TPTE: variants seen among roughly 807,000 people sequenced by gnomAD.
TPTE encodes the protein transmembrane phosphatase with tensin homology, also known as putative tyrosine-protein phosphatase TPTE.
TPTE carries 59 observed loss-of-function variants against 84.1 expected under a neutral mutation model. That is an observed-to-expected ratio of 0.70 (90% CI 0.57 to 0.87). The LOEUF (loss-of-function observed/expected upper bound fraction) is 0.87, where lower values mean the gene tolerates loss of function less well. Among genes scored for constraint, TPTE ranks in the 40% least tolerant of loss-of-function variants. The probability of loss-of-function intolerance (pLI) is 0.00; values close to 1 mark genes in which losing one functional copy is unlikely to be tolerated. For synonymous variants in TPTE, 130 were observed against 223.5 expected, an observed-to-expected ratio of 0.58 and a Z score of 3.73; for missense variants, 382 against 659.6, an observed-to-expected ratio of 0.58 and a Z score of 4.61.
In TPTE at chr21:10,541,175, A is replaced by C. The variant is rs543383061; in HGVS notation, c.65+10A>C. 2.5e-6 allele frequency: 4 copies of C among 1,612,634 alleles called. No homozygotes were observed. The East Asian group carries it at 8.9e-5, about 36-fold the overall frequency. On this transcript the variant is annotated intron_variant, in intron 5 of 23. Coordinates refer to ENST00000618007, the MANE Select transcript of TPTE (RefSeq NM_199261.4). Reference sequence around the variant, plus strand: ...TCGGCCCCAATGACAGGTGAGTTATAAAAGATGTACACATGACCAGGTGCA... The same window carrying C: ...TCGGCCCCAATGACAGGTGAGTTATCAAAGATGTACACATGACCAGGTGCA...
intron 8 of TPTE, among the ~76,000 whole-genome samples, chr21:10,553,030 T>TAG (rs2074609800): frequency 6.6e-6 from 1 of 152,312 alleles, no homozygotes; most frequent in African/African-American, 2.4e-5. Context: ...AACTCATCAA[T>TAG]AGTGAACGTT....
Position 10,605,706 on chromosome 21 carries a change from TA to T in TPTE, c.*155del. The T allele has an allele frequency of 7.5e-7, 1 of 1,329,570 alleles. No homozygotes were observed. Among genetic ancestry groups the T allele is most frequent in the Non-Finnish European group, 1.0e-6 (1 of 1,003,114 alleles). 82.4% of individuals were successfully genotyped at this position (1,329,570 alleles called of 1,614,324 possible). ...GTTCTTCATAAATCTATTACATATA[TA>T]TAGATAAAATGTCAGTGTCTTTCTT... On this transcript the variant is annotated 3_prime_UTR_variant, in exon 24 of 24. Transcript: ENST00000618007.
chr21:10,580,347 GT>G (rs1431593816), intron 17 of TPTE, among the ~76,000 whole-genome samples: 2 of 152,298 alleles, frequency 1.3e-5, no homozygotes, highest in Non-Finnish European at 1.5e-5. Flanking sequence ...GTGCAAAAGC[GT>G]TTTAGTTTGA....
chr21:10,535,227 A>G (rs1265689645), intron 3 of TPTE, among the ~76,000 whole-genome samples: 5 of 152,306 alleles, frequency 3.3e-5, no homozygotes, highest in African/African-American at 4.8e-5. Flanking sequence ...CCCACAGCCA[A>G]TTGAGTTGAT....
chr21:10,603,802 A>G (rs1238346927), intron 23 of TPTE, among the ~76,000 whole-genome samples, 170 bp downstream of exon 23: 15 of 152,286 alleles, frequency 9.8e-5, no homozygotes, highest in African/African-American at 3.4e-4. Context: ...TATTTTAAAA[A>G]TCCATTTGTT....
At chr21:10,576,320 T>G (rs1226882553) in intron 14 of TPTE, 1 of 233,314 alleles carries the variant, frequency 4.3e-6, no homozygotes, top group Non-Finnish European at 8.9e-6. Flanking sequence ...CAAGAAAATT[T>G]TTGTTCAGAA....
intron 3 of TPTE, among the ~76,000 whole-genome samples, chr21:10,535,246 C>T (rs1228991595): frequency 3.3e-5 from 5 of 152,420 alleles, no homozygotes; most frequent in Admixed American, 6.5e-5. Flanking sequence ...ATGGTAGTAA[C>T]CTATGATAGA....
intron 8 of TPTE, among the ~76,000 whole-genome samples, chr21:10,554,492 A>G (rs559477887): frequency 1.0e-3 from 156 of 152,356 alleles, no homozygotes; most frequent in African/African-American, 3.6e-3. Flanking sequence ...TAGTAAATAT[A>G]TTTGTTCTAA....
chr21:10,577,535 C>T lies in TPTE; in HGVS notation c.856+15C>T, dbSNP rs775341326. 5.0e-6 allele frequency: 8 copies of T among 1,613,960 alleles called. No individual in the cohort carries two copies. The highest frequency in any genetic ancestry group is 6.8e-6 in the Non-Finnish European group (8 of 1,179,826). On this transcript the variant is annotated intron_variant, in intron 15 of 23. Coordinates refer to ENST00000618007, the MANE Select transcript of TPTE (RefSeq NM_199261.4). The stretch of plus-strand genomic sequence containing the variant: ...CAATCTATGCAGTATGTACATTACT[C>T]TATATTGTGCTACTGTAGATAGAAA...
At chr21:10,555,734 T>A (rs150379) in intron 8 of TPTE, among the ~76,000 whole-genome samples, 31,903 of 145,108 alleles carry the variant, frequency 0.22, 65 homozygotes, top group African/African-American at 0.47. Context: ...TTTGCTATTA[T>A]CTGATTTGTT....
intron 20 of TPTE, among the ~76,000 whole-genome samples, chr21:10,597,412 CTT>C (rs146272836): frequency 0.19 from 24,988 of 132,670 alleles, 41 homozygotes; most frequent in African/African-American, 0.4. Flanking sequence ...TTTCTTTTTT[CTT>C]TTTTTTTTTT....
At chr21:10,564,233 G>C (rs1355663842) in intron 10 of TPTE, among the ~76,000 whole-genome samples, 3 of 152,308 alleles carry the variant, frequency 2.0e-5, no homozygotes. Flanking sequence ...ATGTAGGCTG[G>C]AAGTGGTGGC....
intron 1 of TPTE, among the ~76,000 whole-genome samples, chr21:10,523,402 A>G (rs1351171562): frequency 6.6e-6 from 1 of 151,204 alleles, no homozygotes; most frequent in Non-Finnish European, 1.5e-5. Context: ...TGCACCCACA[A>G]ACTCCTCATC....
chr21:10,567,107 T>TAA (rs574386155), intron 10 of TPTE, among the ~76,000 whole-genome samples: 9,376 of 122,704 alleles, frequency 0.076, 6 homozygotes, highest in African/African-American at 0.17. Context: ...TATGGGGCTC[T>TAA]AAAAAAAAAA....
chr21:10,564,223 A>T (rs1600909191), intron 10 of TPTE, among the ~76,000 whole-genome samples: 1 of 152,286 alleles, frequency 6.6e-6, no homozygotes, highest in East Asian at 1.9e-4. Flanking sequence ...ATAAAGACAC[A>T]TGTAGGCTGG....
chr21:10,526,143 CT>C (rs1302105657), intron 2 of TPTE, among the ~76,000 whole-genome samples: 1 of 152,308 alleles, frequency 6.6e-6, no homozygotes, highest in East Asian at 1.9e-4. Flanking sequence ...AGATGCCTTT[CT>C]TTTTGTAAAA....
intron 5 of TPTE, among the ~76,000 whole-genome samples, chr21:10,541,652 GA>G (rs1281956537): frequency 1.6e-4 from 25 of 152,294 alleles, no homozygotes; most frequent in Non-Finnish European, 2.9e-4. Flanking sequence ...ACATTGTTTA[GA>G]AAAAAAGAAA....
In TPTE at chr21:10,577,605, ATTTAAT is replaced by A; in HGVS notation, c.856+86_856+91del. ...AAGATGATTTTGTTTTTTAGATTGC[ATTTAAT>A]CATAAGTATTTGGTAGTGGCAAGGA... On this transcript the variant is annotated intron_variant, in intron 15 of 23. Coordinates refer to ENST00000618007, the MANE Select transcript of TPTE (RefSeq NM_199261.4). 3 of 1,609,502 alleles carry A rather than the reference ATTTAAT, an allele frequency of 1.9e-6. No homozygotes were observed. The South Asian group carries it at 3.3e-5, about 18-fold the overall frequency.
At chr21:10,594,333 T>G (rs1031825572) in intron 19 of TPTE, among the ~76,000 whole-genome samples, 5 of 152,304 alleles carry the variant, frequency 3.3e-5, no homozygotes, top group African/African-American at 1.2e-4. Flanking sequence ...TGTGTTTCTT[T>G]TAGGGACTAC....
Sources: gnomAD v4.1 joint callset for allele counts (sites outside exome capture counted in the v4.1 genomes callset) on GRCh38, gnomAD v4.1.1 for gene constraint, MANE v1.5 for transcripts, NCBI Gene and HGNC (gene_info 2026-07-23, HGNC 2026-07-21) for gene names.